PKIG: variants seen among roughly 807,000 people sequenced by gnomAD.
PKIG encodes protein kinase (cAMP-dependent, catalytic) inhibitor gamma.
In PKIG, 1 loss-of-function variant was observed where a neutral mutation model predicts 6.8. The ratio of observed to expected loss-of-function variants is 0.15; its 90% CI spans 0.05 to 0.69. PKIG has a LOEUF of 0.69. Among genes scored for constraint, PKIG ranks in the 30% least tolerant of loss-of-function variants. The probability of loss-of-function intolerance (pLI) is 0.82; values close to 1 mark genes in which losing one functional copy is unlikely to be tolerated. For missense variants in PKIG, 77 were observed against 104.0 expected (o/e 0.74, Z 1.13); for synonymous variants, 39 against 43.0 (o/e 0.91, Z 0.36).
intron 2 of PKIG, among the ~76,000 whole-genome samples, chr20:44,601,541 GCTTT>G (rs1040223329): frequency 5.3e-5 from 8 of 152,164 alleles, no homozygotes; most frequent in African/African-American, 1.9e-4. Context: ...CTCTTTTCTG[GCTTT>G]CTATCACAGA....
intron 2 of PKIG, among the ~76,000 whole-genome samples, chr20:44,593,283 G>A (rs956011255): frequency 4.0e-5 from 6 of 151,310 alleles, no homozygotes; most frequent in Admixed American, 6.6e-5. Flanking sequence ...GCAGTGAGCC[G>A]TAGTCATGCC....
intron 2 of PKIG, among the ~76,000 whole-genome samples, chr20:44,613,827 G>A (rs1228978516): frequency 1.3e-5 from 2 of 152,122 alleles, no homozygotes; most frequent in African/African-American, 2.4e-5. Context: ...CTTGCCTAAA[G>A]CCCCTCAGGA....
At position 44,601,940 on chromosome 20, in the gene PKIG, G is replaced by A. The variant is rs114939949; in HGVS notation, c.-24+12074G>A. Among the ~76,000 whole-genome samples, 983 of 152,304 alleles carry A rather than the reference G, an allele frequency of 6.5e-3. 12 individuals are homozygous for A. The highest frequency in any genetic ancestry group is 0.023 in the African/African-American group (938 of 41,572). On this transcript the variant is annotated intron_variant, in intron 2 of 3. Transcript: ENST00000372886. The stretch of plus-strand genomic sequence containing the variant: ...TCTTCAGTTTACAAAGCTGGGGGGA[G>A]TATTAGAAACCCACGGGAGAAGTGG...
intron 1 of PKIG, among the ~76,000 whole-genome samples, chr20:44,560,804 A>C (rs570151400): frequency 2.0e-5 from 3 of 152,194 alleles, no homozygotes; most frequent in Non-Finnish European, 2.9e-5. Flanking sequence ...AGCAAATGCA[A>C]ATTTTCTCTC....
intron 1 of PKIG, among the ~76,000 whole-genome samples, chr20:44,552,219 G>A (rs895021578): frequency 5.3e-5 from 8 of 152,258 alleles, no homozygotes; most frequent in Admixed American, 6.5e-5. Flanking sequence ...CGTTGTTTGC[G>A]CGTATTTCTC....
chr20:44,543,525 A>C (rs78865852), intron 1 of PKIG, among the ~76,000 whole-genome samples: 28 of 151,982 alleles, frequency 1.8e-4, no homozygotes, highest in African/African-American at 6.5e-4. Flanking sequence ...CTCAGCACCT[A>C]CTCCATTGCT....
intron 2 of PKIG, among the ~76,000 whole-genome samples, chr20:44,595,959 TTAAA>T (rs1173024210): frequency 6.6e-6 from 1 of 152,210 alleles, no homozygotes; most frequent in African/African-American, 2.4e-5. Flanking sequence ...TTATTAAATA[TTAAA>T]TAAATTAATT....
intron 3 of PKIG, among the ~76,000 whole-genome samples, chr20:44,616,196 A>C (rs1219122684): frequency 6.6e-6 from 1 of 152,076 alleles, no homozygotes; most frequent in Non-Finnish European, 1.5e-5. Flanking sequence ...GCATCTGCTC[A>C]GCTGAGAAGC....
At chr20:44,595,542 T>C (rs1239426895) in intron 2 of PKIG, among the ~76,000 whole-genome samples, 1 of 152,074 alleles carries the variant, frequency 6.6e-6, no homozygotes, top group African/African-American at 2.4e-5. Context: ...GAGATGGAGT[T>C]TCGCTGTGTT....
intron 1 of PKIG, among the ~76,000 whole-genome samples, chr20:44,553,439 C>T (rs1555834696): frequency 6.6e-6 from 1 of 152,054 alleles, no homozygotes; most frequent in Non-Finnish European, 1.5e-5. Flanking sequence ...AAAGTTTGCT[C>T]TTCTGAGATA....
chr20:44,560,240 A>C (rs2123239210), intron 1 of PKIG, among the ~76,000 whole-genome samples: 1 of 150,032 alleles, frequency 6.7e-6, no homozygotes, highest in East Asian at 1.9e-4. Flanking sequence ...ATAGAGCCAG[A>C]CCTTGTCTCT....
At chr20:44,536,323 T>A (rs1353910760) in intron 1 of PKIG, among the ~76,000 whole-genome samples, 2 of 152,228 alleles carry the variant, frequency 1.3e-5, no homozygotes, top group Non-Finnish European at 2.9e-5. Context: ...AAACTTTTAT[T>A]CTGTTCCTCA....
upstream of PKIG, among the ~76,000 whole-genome samples, chr20:44,577,970 C>T (rs548034991): frequency 5.9e-5 from 9 of 152,156 alleles, no homozygotes; most frequent in South Asian, 4.2e-4. Flanking sequence ...TCATGAATGG[C>T]GTGATCCCCT....
intron 1 of PKIG, among the ~76,000 whole-genome samples, chr20:44,557,582 A>G (rs2064725186): frequency 6.9e-6 from 1 of 144,004 alleles, no homozygotes; most frequent in Admixed American, 7.1e-5. Flanking sequence ...ACACTTTGGG[A>G]GGCTGAGGTG....
chr20:44,550,578 G>A (rs2064658926), intron 1 of PKIG, among the ~76,000 whole-genome samples: 1 of 152,132 alleles, frequency 6.6e-6, no homozygotes, highest in African/African-American at 2.4e-5. Context: ...TGAGCAGGAG[G>A]AGTGTTGTCA....
Position 44,614,372 on chromosome 20 carries a change from A to G in PKIG, c.-23-162A>G, listed in dbSNP as rs1257754947. On this transcript the variant is annotated intron_variant, in intron 2 of 3. Coordinates refer to ENST00000372886, the MANE Select transcript of PKIG (RefSeq NM_001281445.2). This position sits in a 1 kb window ranked among gnomAD's most constrained non-coding sequence, Gnocchi z 4.6. Reference sequence around the variant, plus strand: ...TTGTCTGGGTGTGGAATTATGAGTGACTTGTTTTGTTCTTTGTACTTTTCT... The same window carrying G: ...TTGTCTGGGTGTGGAATTATGAGTGGCTTGTTTTGTTCTTTGTACTTTTCT... 1 of 551,370 alleles carries G rather than the reference A, an allele frequency of 1.8e-6. No homozygotes were observed. The highest frequency in any genetic ancestry group is 3.3e-5 in the Admixed American group (1 of 30,114). The allele number at this position is 551,370 out of a possible 1,614,324, so 34.2% of individuals were successfully genotyped here.
intron 2 of PKIG, among the ~76,000 whole-genome samples, chr20:44,606,748 G>A (rs1035005750): frequency 2.0e-5 from 3 of 152,218 alleles, no homozygotes; most frequent in African/African-American, 7.2e-5. Flanking sequence ...GGAGGAGGTT[G>A]CAGTGAGCCG....
At position 44,611,087 on chromosome 20, in the gene PKIG, C is replaced by A. The variant is rs569081464; in HGVS notation, c.-23-3447C>A. ...TTTTTTTTTGAGACGGAGTCTCGCT[C>A]TGTCTTGCCCAGGGTGGAGTGCAGT... On this transcript the variant is annotated intron_variant, in intron 2 of 3. Coordinates refer to ENST00000372886, the MANE Select transcript of PKIG (RefSeq NM_001281445.2). Among the ~76,000 whole-genome samples the A allele has an allele frequency of 3.5e-3, 498 of 142,056 alleles. 1 individual carries two copies. Among genetic ancestry groups the A allele is most frequent in the Non-Finnish European group, 5.6e-3 (373 of 66,650 alleles). 93.2% of individuals were successfully genotyped at this position (142,056 alleles called of 152,430 possible). A position where few individuals can be genotyped will look rare whatever the true frequency, so the allele number is the denominator to read the frequency against.
intron 1 of PKIG, among the ~76,000 whole-genome samples, chr20:44,561,332 G>A (rs796880642): frequency 5.5e-4 from 84 of 151,486 alleles, no homozygotes; most frequent in African/African-American, 2.0e-3. Flanking sequence ...GCGAGACTCC[G>A]TCTCAAAAAA....
Sources: gnomAD v4.1 joint callset for allele counts (sites outside exome capture counted in the v4.1 genomes callset) on GRCh38, gnomAD v4.1.1 for gene constraint, Gnocchi (gnomAD v3.1) non-coding constraint, MANE v1.5 for transcripts, NCBI Gene and HGNC (gene_info 2026-07-23, HGNC 2026-07-21) for gene names.